Variants in ART3 observed in about 807,000 individuals in gnomAD.
ART3 encodes the protein ADP-ribosyltransferase 3 (inactive), also known as ecto-ADP-ribosyltransferase 3.
In ART3, 49 loss-of-function variants were observed where a neutral mutation model predicts 48.5. That is an observed-to-expected ratio of 1.01 (90% CI 0.80 to 1.28). The LOEUF (loss-of-function observed/expected upper bound fraction) is 1.28, where lower values mean the gene tolerates loss of function less well. ART3 is among the 50% of genes most tolerant of loss of function. The pLI, the probability that ART3 is intolerant of heterozygous loss-of-function variation, is 0.00. For missense variants in ART3, 438 were observed against 454.3 expected (o/e 0.96, Z 0.33); for synonymous variants, 145 against 157.2 (o/e 0.92, Z 0.58).
chr4:76,043,626 C>A (rs6824963), intron 1 of ART3, among the ~76,000 whole-genome samples: 4 of 151,664 alleles, frequency 2.6e-5, no homozygotes, highest in South Asian at 2.1e-4. Context: ...CCAGCTGGCC[C>A]ACAAGCGCTG....
At position 76,112,754 on chromosome 4, in the gene ART3, T is replaced by C. The variant is rs1451953385; in HGVS notation, c.*235T>C. On this transcript the variant is annotated 3_prime_UTR_variant, in exon 12 of 12. Coordinates refer to ENST00000355810, the MANE Select transcript of ART3 (RefSeq NM_001130016.3). ...AAAAAAATCCCGAAAACTGTATACT[T>C]CTGATTAAATTCAATAAAAGATTTT... The C allele has an allele frequency of 5.6e-6, 2 of 356,672 alleles. No homozygotes were observed. The highest frequency in any genetic ancestry group is 9.9e-6 in the Non-Finnish European group (2 of 201,656). 22.1% of individuals were successfully genotyped at this position (356,672 alleles called of 1,614,324 possible).
intron 1 of ART3, among the ~76,000 whole-genome samples, chr4:76,018,081 C>T (rs1224473819): frequency 6.6e-6 from 1 of 152,222 alleles, no homozygotes; most frequent in Non-Finnish European, 1.5e-5. Flanking sequence ...TTCAACCCAG[C>T]AATCCCATAA....
chr4:76,088,228 C>G (rs1435024404), intron 3 of ART3, among the ~76,000 whole-genome samples: 1 of 143,836 alleles, frequency 7.0e-6, no homozygotes, highest in Non-Finnish European at 1.5e-5. Context: ...TAGTAGAGCA[C>G]ATATCATCCC....
At chr4:76,088,980 C>G (rs1168880718) in intron 3 of ART3, among the ~76,000 whole-genome samples, 1 of 152,004 alleles carries the variant, frequency 6.6e-6, no homozygotes, top group Non-Finnish European at 1.5e-5. Flanking sequence ...TGTAATGAAA[C>G]CAAGTATATG....
intron 2 of ART3, among the ~76,000 whole-genome samples, chr4:76,077,413 G>A (rs1322844802): frequency 1.3e-5 from 2 of 152,088 alleles, no homozygotes; most frequent in Non-Finnish European, 2.9e-5. Flanking sequence ...CCATTTATCA[G>A]CTGATGGACA....
At chr4:76,065,100 G>A (rs915163699) in intron 1 of ART3, among the ~76,000 whole-genome samples, 3 of 152,154 alleles carry the variant, frequency 2.0e-5, no homozygotes, top group African/African-American at 7.2e-5. Flanking sequence ...CCAAAGTGCT[G>A]GGATCACAGG....
In ART3 at chr4:76,104,634, G is replaced by A; in HGVS notation, c.1003+5G>A. 6.4e-7 allele frequency: 1 copy of A among 1,551,542 alleles called. No individual in the cohort carries two copies. The highest frequency in any genetic ancestry group is 1.4e-5 in the African/African-American group (1 of 73,154). ...CAGAACCTTTTCCACTACCTGGTAAGCAACTGATAGGCATGCCAGAGGGGA... is the reference window on the plus strand; with the variant it reads ...CAGAACCTTTTCCACTACCTGGTAAACAACTGATAGGCATGCCAGAGGGGA... On this transcript the variant is annotated splice_donor_5th_base_variant and intron_variant, in intron 10 of 11. Transcript: ENST00000355810.
chr4:76,035,331 A>C (rs757150443), intron 1 of ART3: 1 of 1,614,012 alleles, frequency 6.2e-7, no homozygotes, highest in Admixed American at 1.7e-5. Flanking sequence ...CCTCTTTTGA[A>C]CATGGGGAAG....
intron 1 of ART3, chr4:76,022,309 C>G (rs1183137603): frequency 2.2e-6 from 3 of 1,393,438 alleles, no homozygotes; most frequent in Non-Finnish European, 3.1e-6. Flanking sequence ...GTATTTCTGA[C>G]TCCCAAGATT....
At chr4:76,030,734 A>C (rs1444640719) in intron 1 of ART3, among the ~76,000 whole-genome samples, 1 of 152,208 alleles carries the variant, frequency 6.6e-6, no homozygotes, top group African/African-American at 2.4e-5. Flanking sequence ...ATCATACAAT[A>C]TGTGGTCCCT....
intron 1 of ART3, among the ~76,000 whole-genome samples, chr4:76,040,699 TG>T (rs1734900247): frequency 6.6e-6 from 1 of 152,128 alleles, no homozygotes; most frequent in Admixed American, 6.5e-5. Context: ...CCCTCCCCCA[TG>T]TAGACACATC....
intron 3 of ART3, among the ~76,000 whole-genome samples, chr4:76,092,438 T>C (rs1401595534): frequency 1.3e-5 from 2 of 152,206 alleles, no homozygotes; most frequent in East Asian, 3.8e-4. Context: ...TTTTAGTAGT[T>C]TACAAATTTA....
chr4:76,096,452 C>G (rs559035963), intron 3 of ART3, among the ~76,000 whole-genome samples: 2 of 152,328 alleles, frequency 1.3e-5, no homozygotes, highest in South Asian at 4.2e-4. Context: ...CCAGGCCTCT[C>G]TAGGGATTCT....
At chr4:76,059,405 A>C (rs936032881) in intron 1 of ART3, among the ~76,000 whole-genome samples, 2 of 140,668 alleles carry the variant, frequency 1.4e-5, no homozygotes, top group African/African-American at 5.3e-5. Context: ...TTGCATCTCC[A>C]GTCCTTTTCT....
At chr4:76,092,627 T>C (rs1477107523) in intron 3 of ART3, among the ~76,000 whole-genome samples, 2 of 152,104 alleles carry the variant, frequency 1.3e-5, no homozygotes, top group Non-Finnish European at 2.9e-5. Flanking sequence ...TTTTTTTTCA[T>C]GTATCTTGTG....
intron 1 of ART3, among the ~76,000 whole-genome samples, chr4:76,053,394 C>T (rs1736321282): frequency 1.4e-5 from 2 of 139,332 alleles, no homozygotes; most frequent in African/African-American, 2.7e-5. Context: ...TGTTTCTCTA[C>T]CTTTTTGGTA....
chr4:76,076,443 T>A (rs935591469), intron 2 of ART3, among the ~76,000 whole-genome samples: 2 of 152,210 alleles, frequency 1.3e-5, no homozygotes, highest in African/African-American at 4.8e-5. Flanking sequence ...TGTAAAAAGT[T>A]GAAAAAATTA....
intron 5 of ART3, 127 bp from the exon 6 acceptor site, chr4:76,100,164 G>GT: frequency 1.1e-6 from 1 of 878,038 alleles, no homozygotes; most frequent in Admixed American, 2.3e-5. Flanking sequence ...TAGTAGGGTA[G>GT]TTTCCTGGAC....
chr4:76,108,484 A>G (rs1279997057), intron 11 of ART3, among the ~76,000 whole-genome samples: 2 of 151,944 alleles, frequency 1.3e-5, no homozygotes, highest in Admixed American at 6.6e-5. Context: ...AAGTTGGTCA[A>G]TTTTTCATGG....
Sources: gnomAD v4.1 joint callset for allele counts (sites outside exome capture counted in the v4.1 genomes callset) on GRCh38, gnomAD v4.1.1 for gene constraint, MANE v1.5 for transcripts, NCBI Gene and HGNC (gene_info 2026-07-23, HGNC 2026-07-21) for gene names.